The following C12orf54 variants were observed in gnomAD, a reference collection of about 807,000 sequenced individuals.
The protein encoded by C12orf54 is uncharacterized protein C12orf54.
In C12orf54, 24 loss-of-function variants were observed where a neutral mutation model predicts 26.4. The ratio of observed to expected loss-of-function variants is 0.91; its 90% CI spans 0.66 to 1.28. C12orf54 has a LOEUF of 1.28. C12orf54 is among the 50% of genes most tolerant of loss of function. C12orf54 has a pLI of 0.00. For synonymous variants in C12orf54, 54 were observed against 47.0 expected, an observed-to-expected ratio of 1.15 and a Z score of -0.61; for missense variants, 154 against 150.9, an observed-to-expected ratio of 1.02 and a Z score of -0.11.
chr12:48,437,518 C>T, the C12orf54 span, among the ~76,000 whole-genome samples: 1 of 152,172 alleles, frequency 6.6e-6, no homozygotes, highest in East Asian at 1.9e-4. Flanking sequence ...TACTGGCAAA[C>T]AGAATCCAGC....
chr12:48,420,158 C>G, the C12orf54 span, among the ~76,000 whole-genome samples: 12 of 151,764 alleles, frequency 7.9e-5, no homozygotes, highest in Admixed American at 7.2e-4. Context: ...CTTCTAAAAT[C>G]CAGCCATTCA....
At chr12:48,437,546 A>G in the C12orf54 span, among the ~76,000 whole-genome samples, 1 of 152,250 alleles carries the variant, frequency 6.6e-6, no homozygotes, top group Non-Finnish European at 1.5e-5. Flanking sequence ...CAAAAAGTTT[A>G]TCCACCATGA....
the C12orf54 span, among the ~76,000 whole-genome samples, chr12:48,450,320 G>T: frequency 1.3e-5 from 2 of 152,096 alleles, no homozygotes; most frequent in Non-Finnish European, 1.5e-5. Flanking sequence ...GAATCTCTGG[G>T]ATGCAGCTAA....
the C12orf54 span, among the ~76,000 whole-genome samples, chr12:48,444,536 C>G: frequency 2.0e-5 from 3 of 152,224 alleles, no homozygotes; most frequent in Non-Finnish European, 4.4e-5. Context: ...GTTGGAAATT[C>G]TAGCCTGTCA....
chr12:48,434,958 A>G, the C12orf54 span, among the ~76,000 whole-genome samples: 1 of 152,044 alleles, frequency 6.6e-6, no homozygotes, highest in Non-Finnish European at 1.5e-5. Context: ...AGATCAAACT[A>G]CTCTGAGCTA....
chr12:48,450,643 A>T, the C12orf54 span, among the ~76,000 whole-genome samples: 54 of 152,330 alleles, frequency 3.5e-4, no homozygotes, highest in African/African-American at 1.3e-3. Flanking sequence ...TGATAAGGGG[A>T]TATTACCACT....
chr12:48,493,782 A>G (rs576746975), intron 7 of C12orf54, among the ~76,000 whole-genome samples: 3 of 147,856 alleles, frequency 2.0e-5, no homozygotes, highest in African/African-American at 7.5e-5. Flanking sequence ...AGGAGAAAAA[A>G]GATCAGGCTA....
chr12:48,441,952 A>G, the C12orf54 span: 2 of 152,206 alleles, frequency 1.3e-5, no homozygotes, highest in African/African-American at 2.4e-5. Flanking sequence ...TCAAGGAATT[A>G]TCCTAGTGTC....
the C12orf54 span, among the ~76,000 whole-genome samples, chr12:48,436,703 C>T: frequency 6.6e-6 from 1 of 152,098 alleles, no homozygotes; most frequent in African/African-American, 2.4e-5. Context: ...TTCTTTGAAA[C>T]CAACTAGAAA....
At chr12:48,462,695 A>T in the C12orf54 span, among the ~76,000 whole-genome samples, 1 of 151,734 alleles carries the variant, frequency 6.6e-6, no homozygotes, top group Non-Finnish European at 1.5e-5. Flanking sequence ...CCAATGAGCA[A>T]ATTTTGGCAA....
chr12:48,456,186 A>C, the C12orf54 span, among the ~76,000 whole-genome samples: 2 of 152,188 alleles, frequency 1.3e-5, no homozygotes, highest in Non-Finnish European at 2.9e-5. Flanking sequence ...TTTTCCAGGC[A>C]CTGTATTGGG....
At chr12:48,457,495 G>A in the C12orf54 span, among the ~76,000 whole-genome samples, 36 of 151,900 alleles carry the variant, frequency 2.4e-4, no homozygotes, top group African/African-American at 8.2e-4. Flanking sequence ...CACCACACCC[G>A]GCTAATTTTT....
At chr12:48,468,314 G>C in the C12orf54 span, among the ~76,000 whole-genome samples, 1 of 152,074 alleles carries the variant, frequency 6.6e-6, no homozygotes. Flanking sequence ...CTGGCACACC[G>C]GAGGGAAAGG....
the C12orf54 span, chr12:48,473,073 A>G: frequency 2.5e-6 from 4 of 1,614,014 alleles, no homozygotes; most frequent in Non-Finnish European, 3.4e-6. Flanking sequence ...AAAGATGTTC[A>G]AGCTCCTCCT....
At chr12:48,474,141 GA>G in the C12orf54 span, among the ~76,000 whole-genome samples, 61 of 150,904 alleles carry the variant, frequency 4.0e-4, no homozygotes, top group Middle Eastern at 3.4e-3. Flanking sequence ...TTCTTTACAA[GA>G]AAAAAAAACT....
the C12orf54 span, among the ~76,000 whole-genome samples, chr12:48,415,236 A>T: frequency 1.1e-4 from 16 of 151,910 alleles, no homozygotes; most frequent in South Asian, 1.0e-3. Context: ...CCAAAACAAA[A>T]CCAAAAACAA....
chr12:48,489,716 C>T lies in C12orf54; in HGVS notation c.168+760C>T, dbSNP rs1000315043. On this transcript the variant is annotated intron_variant, in intron 5 of 8. Transcript: ENST00000548364. ...ACAGGCATGAGGCATTGCGCCCAGC[C>T]TAAGAAGGATTTTTTTTTTTTTTTT... is the stretch of plus-strand genomic sequence containing the variant. Among the ~76,000 whole-genome samples, 7 of 147,870 alleles carry T rather than the reference C, an allele frequency of 4.7e-5. No individual in the cohort carries two copies. The East Asian group carries it at 6.5e-4, about 14-fold the overall frequency.
chr12:48,423,128 A>G, the C12orf54 span, among the ~76,000 whole-genome samples: 1 of 152,142 alleles, frequency 6.6e-6, no homozygotes, highest in East Asian at 1.9e-4. Context: ...GTTTACAATA[A>G]TTTCTGAGTT....
the C12orf54 span, among the ~76,000 whole-genome samples, chr12:48,474,613 G>C: frequency 6.6e-6 from 1 of 152,244 alleles, no homozygotes; most frequent in Non-Finnish European, 1.5e-5. Context: ...TGGCTCGGAG[G>C]GTCCTACGCC....
Sources: allele counts gnomAD v4.1 joint callset (sites outside exome capture counted in the v4.1 genomes callset), GRCh38; gene constraint gnomAD v4.1.1; transcripts MANE v1.5; gene names NCBI Gene and HGNC (gene_info 2026-07-23, HGNC 2026-07-21).